Variants in PAPOLA observed in about 807,000 individuals in gnomAD.
PAPOLA encodes polynucleotide adenylyltransferase alpha.
In PAPOLA, 15 loss-of-function variants were observed where a neutral mutation model predicts 100.6. That is an observed-to-expected ratio of 0.15 (90% CI 0.10 to 0.23). The LOEUF is 0.23. PAPOLA is among the 10% of genes least tolerant of loss of function. The pLI is 1.00. For missense variants in PAPOLA, 533 were observed against 884.2 expected (o/e 0.60, Z 5.04); for synonymous variants, 293 against 300.0 (o/e 0.98, Z 0.24).
At chr14:96,529,182 T>C (rs1898769592) in intron 6 of PAPOLA, among the ~76,000 whole-genome samples, 1 of 152,208 alleles carries the variant, frequency 6.6e-6, no homozygotes, top group African/African-American at 2.4e-5. Context: ...TCAATATTTT[T>C]TGAAGTAATT....
chr14:96,502,497 C>T lies in PAPOLA; in HGVS notation c.-96C>T, dbSNP rs922815107. On this transcript the variant is annotated 5_prime_UTR_variant, in exon 1 of 22. Coordinates refer to ENST00000216277, the MANE Select transcript of PAPOLA (RefSeq NM_032632.5). Reference sequence around the variant, plus strand: ...GGGTTGGACCCAGGGCTGAGGCAGGCCCCCCCCTCCCTCCCGCCTCAGTGG... The same window carrying T: ...GGGTTGGACCCAGGGCTGAGGCAGGTCCCCCCCTCCCTCCCGCCTCAGTGG... 2 of 917,632 alleles carry T rather than the reference C, an allele frequency of 2.2e-6. No homozygotes were observed. Among genetic ancestry groups the T allele is most frequent in the Non-Finnish European group, 3.3e-6 (2 of 605,156 alleles). 56.8% of individuals were successfully genotyped at this position (917,632 alleles called of 1,614,324 possible).
Position 96,566,099 on chromosome 14 carries a change from A to G in PAPOLA, c.*1049A>G, listed in dbSNP as rs780648151. 3 of 394,778 alleles carry G rather than the reference A, an allele frequency of 7.6e-6. No homozygotes were observed. Among genetic ancestry groups the G allele is most frequent in the African/African-American group, 2.1e-5 (1 of 48,630 alleles). The allele number at this position is 394,778 out of a possible 1,614,324, so 24.5% of individuals were successfully genotyped here. A position where few individuals can be genotyped will look rare whatever the true frequency, so the allele number is the denominator to read the frequency against. ...ATTTGATCTCTAAAAGGAATTTTGT[A>G]CACTCCACAGAACTCCTATCTATAG... On this transcript the variant is annotated 3_prime_UTR_variant, in exon 22 of 22. Transcript: ENST00000216277.
At chr14:96,519,794 C>G (rs1238655620) in intron 1 of PAPOLA, among the ~76,000 whole-genome samples, 1 of 152,138 alleles carries the variant, frequency 6.6e-6, no homozygotes, top group African/African-American at 2.4e-5. Context: ...TTACTATATT[C>G]TGAATTAGTG....
At chr14:96,508,456 G>A (rs1199769305) in intron 1 of PAPOLA, among the ~76,000 whole-genome samples, 2 of 152,190 alleles carry the variant, frequency 1.3e-5, no homozygotes, top group Non-Finnish European at 2.9e-5. Context: ...TAGAGAAGTT[G>A]GAAGGCAAGG....
At chr14:96,542,925 C>G in intron 14 of PAPOLA, 32 bp downstream of exon 14, 2 of 1,603,936 alleles carry the variant, frequency 1.2e-6, no homozygotes, top group East Asian at 4.5e-5. Flanking sequence ...TTTCTTCTTC[C>G]CATTTCCAAT....
chr14:96,542,197 A>C, intron 12 of PAPOLA, 46 bp from the exon 13 acceptor site: 1 of 1,207,042 alleles, frequency 8.3e-7, no homozygotes, highest in South Asian at 1.3e-5. Flanking sequence ...TATCCAGCAC[A>C]AAGCGTGTAA....
intron 9 of PAPOLA, chr14:96,534,005 T>C: frequency 1.0e-6 from 1 of 986,838 alleles, no homozygotes; most frequent in Non-Finnish European, 1.2e-6. Context: ...AAAATGTGGT[T>C]ATGCCACCAA....
In PAPOLA at chr14:96,560,630, C is replaced by T; in HGVS notation, c.2005-19C>T. On this transcript the variant is annotated intron_variant, in intron 19 of 21. Coordinates refer to ENST00000216277, the MANE Select transcript of PAPOLA (RefSeq NM_032632.5). Reference sequence around the variant, plus strand: ...AAATTTTTCATTTTAGAGAATAAAGCTTTTTTTTTTAAAAACAGGATGAAA... The same window carrying T: ...AAATTTTTCATTTTAGAGAATAAAGTTTTTTTTTTTAAAAACAGGATGAAA... 1 of 1,428,962 alleles carries T rather than the reference C, an allele frequency of 7.0e-7. No homozygotes were observed. The highest frequency in any genetic ancestry group is 1.3e-5 in the South Asian group (1 of 79,484). The allele number at this position is 1,428,962 out of a possible 1,614,324, so 88.5% of individuals were successfully genotyped here. A position where few individuals can be genotyped will look rare whatever the true frequency, so the allele number is the denominator to read the frequency against.
chr14:96,528,901 T>G (rs1898741578), intron 6 of PAPOLA, among the ~76,000 whole-genome samples: 1 of 152,216 alleles, frequency 6.6e-6, no homozygotes, highest in African/African-American at 2.4e-5. Context: ...AGTTTTGATT[T>G]ACTGTCAGTG....
At chr14:96,543,918 A>G (rs186344599) in intron 14 of PAPOLA, among the ~76,000 whole-genome samples, 13 of 152,230 alleles carry the variant, frequency 8.5e-5, no homozygotes, top group Admixed American at 1.3e-4. Flanking sequence ...TTGACTATCA[A>G]TGCACAGTTA....
intron 7 of PAPOLA, 167 bp downstream of exon 7, chr14:96,531,753 A>G: frequency 6.8e-7 from 1 of 1,468,854 alleles, no homozygotes; most frequent in Non-Finnish European, 8.9e-7. Context: ...GTAGTAGTTT[A>G]TTTCACTCTA....
At chr14:96,537,504 A>G (rs1425105307) in intron 12 of PAPOLA, 1 of 160,166 alleles carries the variant, frequency 6.2e-6, no homozygotes, top group East Asian at 1.7e-4. Flanking sequence ...AATGTTTTCA[A>G]TAGTTACAGC....
At chr14:96,536,404 T>G (rs1298261181) in intron 11 of PAPOLA, among the ~76,000 whole-genome samples, 1 of 152,094 alleles carries the variant, frequency 6.6e-6, no homozygotes, top group Non-Finnish European at 1.5e-5. Flanking sequence ...CCTTTTAACT[T>G]TTGAACCCTA....
intron 21 of PAPOLA, among the ~76,000 whole-genome samples, 163 bp from the exon 22 acceptor site, chr14:96,564,792 G>A (rs1014235223): frequency 2.4e-4 from 36 of 152,076 alleles, no homozygotes; most frequent in African/African-American, 8.4e-4. Flanking sequence ...CAAATAATGT[G>A]ATAGGCATAT....
chr14:96,505,728 T>C (rs1194983231), intron 1 of PAPOLA, among the ~76,000 whole-genome samples: 3 of 152,064 alleles, frequency 2.0e-5, no homozygotes, highest in South Asian at 4.2e-4. Flanking sequence ...TTTCAGAGGG[T>C]ACATAATGTT....
intron 6 of PAPOLA, among the ~76,000 whole-genome samples, chr14:96,529,509 T>C (rs955161957): frequency 3.3e-5 from 5 of 151,606 alleles, no homozygotes; most frequent in African/African-American, 1.2e-4. Context: ...GATCACGAGG[T>C]CAGGAGATCA....
chr14:96,545,954 C>T (rs1197125834), intron 15 of PAPOLA, among the ~76,000 whole-genome samples: 1 of 151,968 alleles, frequency 6.6e-6, no homozygotes, highest in Non-Finnish European at 1.5e-5. Context: ...TCAAAGATTG[C>T]ACTAATGAAC....
At chr14:96,551,595 A>G (rs750046123) in intron 16 of PAPOLA, among the ~76,000 whole-genome samples, 1 of 152,204 alleles carries the variant, frequency 6.6e-6, no homozygotes, top group Non-Finnish European at 1.5e-5. Context: ...ATTTTTGTCA[A>G]CAGTATAAAT....
At position 96,534,538 on chromosome 14, in the gene PAPOLA, T is replaced by C; in HGVS notation, c.884T>C (p.Leu295Pro). ...VLLKQPEECN[L>P]NLPVWDPRVN... ...TTGAAACAGCCTGAAGAATGCAATC[T>C]TAATTTGCCTGTATGGGACCCAAGG... The change falls in exon 10 of 22, where the codon CTT becomes CCT. Residue 295 changes from leucine to proline, a missense_variant. Around this residue, in one of 9 missense-constraint regions of PAPOLA, gnomAD observed 87 missense variants for 173.3 expected, o/e 0.50. Transcript: ENST00000216277. The C allele has an allele frequency of 1.9e-6, 3 of 1,613,984 alleles. No individual in the cohort carries two copies. The highest frequency in any genetic ancestry group is 2.5e-6 in the Non-Finnish European group (3 of 1,179,904).
Sources: allele counts gnomAD v4.1 joint callset (sites outside exome capture counted in the v4.1 genomes callset), GRCh38; gene constraint gnomAD v4.1.1; regional missense constraint gnomAD v4.1.1; transcripts MANE v1.5; gene names NCBI Gene and HGNC (gene_info 2026-07-23, HGNC 2026-07-21).